RAD54L2: variants seen among roughly 807,000 people sequenced by gnomAD.
RAD54L2 encodes RAD54 like 2, also known as helicase ARIP4.
In RAD54L2, 27 loss-of-function variants were observed where a neutral mutation model predicts 138.4. The observed-to-expected ratio is 0.20, with a 90% CI of 0.14 to 0.27. The LOEUF is 0.27. Among genes scored for constraint, RAD54L2 ranks in the 10% least tolerant of loss-of-function variants. The pLI is 1.00. For missense variants in RAD54L2, 1,396 were observed against 1,890.2 expected (o/e 0.74, Z 4.85); for synonymous variants, 644 against 723.2 (o/e 0.89, Z 1.76).
At chr3:51,540,806 C>T (rs1698530408) in intron 1 of RAD54L2, among the ~76,000 whole-genome samples, 1 of 152,156 alleles carries the variant, frequency 6.6e-6, no homozygotes, top group African/African-American at 2.4e-5. Context: ...AATCCCAACA[C>T]TTTGGGAGGT....
At chr3:51,619,995 G>A (rs1267254407) in intron 3 of RAD54L2, among the ~76,000 whole-genome samples, 1 of 152,098 alleles carries the variant, frequency 6.6e-6, no homozygotes, top group Non-Finnish European at 1.5e-5. Context: ...TTCAGGCTCC[G>A]GTGCAGAGTT....
At chr3:51,605,459 T>G (rs1321605615) in intron 3 of RAD54L2, among the ~76,000 whole-genome samples, 1 of 148,098 alleles carries the variant, frequency 6.8e-6, no homozygotes, top group South Asian at 2.2e-4. Flanking sequence ...GGGTTTTTTT[T>G]TTTTTTTTTT....
At chr3:51,613,185 C>A (rs1700370337) in intron 3 of RAD54L2, among the ~76,000 whole-genome samples, 1 of 152,114 alleles carries the variant, frequency 6.6e-6, no homozygotes, top group Non-Finnish European at 1.5e-5. Flanking sequence ...GATCCACCCG[C>A]CTCGGCCTCC....
chr3:51,637,456 G>A lies in RAD54L2; in HGVS notation c.1635G>A (p.Arg545=). 4.3e-6 allele frequency: 7 copies of A among 1,613,818 alleles called. No individual in the cohort carries two copies. Among genetic ancestry groups the A allele is most frequent in the African/African-American group, 1.3e-5 (1 of 75,062 alleles). Residue 545 remains arginine (R), a synonymous_variant, in exon 11 of 23, where the codon CGG becomes CGA. Transcript: ENST00000684192. The surrounding 1 kb of genome is among the most constrained non-coding windows in gnomAD (Gnocchi z 5.9). ...CACCTCAGGACGTCCGCCTCATGCG[G>A]TACCGGAGCCATGTCCTGCACAGTC... ...DSTPQDVRLM[R]YRSHVLHSLL... is the part of the protein sequence containing the mutation.
intron 2 of RAD54L2, among the ~76,000 whole-genome samples, chr3:51,565,552 T>C (rs1313339550): frequency 6.6e-6 from 1 of 152,162 alleles, no homozygotes; most frequent in Non-Finnish European, 1.5e-5. Flanking sequence ...CTCAGCTTAT[T>C]GCAGCCTCTG....
intron 2 of RAD54L2, among the ~76,000 whole-genome samples, chr3:51,559,826 G>C (rs55793914): frequency 0.089 from 13,496 of 152,252 alleles, 737 homozygotes; most frequent in African/African-American, 0.12. Context: ...GTCTGTATGA[G>C]AGCCAACGTA....
intron 3 of RAD54L2, among the ~76,000 whole-genome samples, chr3:51,606,992 TTTA>T (rs908513446): frequency 2.7e-5 from 4 of 149,626 alleles, no homozygotes; most frequent in Admixed American, 6.7e-5. Context: ...TATTGTTTTA[TTTA>T]TTATTATTAT....
At chr3:51,562,203 T>C (rs551568684) in intron 2 of RAD54L2, among the ~76,000 whole-genome samples, 46 of 151,432 alleles carry the variant, frequency 3.0e-4, no homozygotes, top group African/African-American at 1.0e-3. Flanking sequence ...ACCCAGCTAA[T>C]TTTTGTATTT....
chr3:51,663,430 C>T lies in RAD54L2; in HGVS notation c.*10C>T, dbSNP rs1297805435. ...GGTCACTGGGAAATAGCTAGGGAGC[C>T]CCTCCCCACCTCACTTGGGGCCCCC... On this transcript the variant is annotated 3_prime_UTR_variant, in exon 23 of 23. Coordinates refer to ENST00000684192, the MANE Select transcript of RAD54L2 (RefSeq NM_015106.4). 6.2e-7 allele frequency: 1 copy of T among 1,603,376 alleles called. No homozygotes were observed. The highest frequency in any genetic ancestry group is 8.5e-7 in the Non-Finnish European group (1 of 1,172,572).
chr3:51,604,537 C>A (rs572983540), intron 3 of RAD54L2, among the ~76,000 whole-genome samples: 2 of 152,280 alleles, frequency 1.3e-5, no homozygotes, highest in South Asian at 4.1e-4. Flanking sequence ...AATCAACCAC[C>A]TGGAATCAAA....
chr3:51,580,256 C>T (rs560108815), intron 2 of RAD54L2, among the ~76,000 whole-genome samples: 2 of 152,316 alleles, frequency 1.3e-5, no homozygotes, highest in Admixed American at 6.5e-5. Context: ...ACCTGTTTCT[C>T]ATAAAGGATA....
In RAD54L2 at chr3:51,662,280, A is replaced by G; in HGVS notation, c.3410-146A>G. On this transcript the variant is annotated intron_variant, in intron 22 of 22. Transcript: ENST00000684192. This position sits in a 1 kb window ranked among gnomAD's most constrained non-coding sequence, Gnocchi z 4.6. Reference sequence around the variant, plus strand: ...CAAAGAATTTCTTTGTGACTGGAAAAGGTTGACTGGGTGATGTTGTTCAGA... The same window carrying G: ...CAAAGAATTTCTTTGTGACTGGAAAGGGTTGACTGGGTGATGTTGTTCAGA... 1.5e-6 allele frequency: 1 copy of G among 656,730 alleles called. No homozygotes were observed. Among genetic ancestry groups the G allele is most frequent in the Admixed American group, 3.9e-5 (1 of 25,496 alleles). 40.7% of individuals were successfully genotyped at this position (656,730 alleles called of 1,614,324 possible).
At position 51,638,180 on chromosome 3, in the gene RAD54L2, C is replaced by T; in HGVS notation, c.1719C>T (p.Ala573=). ...CTGTGCTGAAGATTCATCTCCCTGC[C>T]AAGGAAGAAAATGTGATCCTTGTGC... ...GHTVLKIHLP[A]KEENVILVRL... The change falls in exon 12 of 23, where the codon GCC becomes GCT. Residue 573 remains alanine (A), a synonymous_variant. Transcript: ENST00000684192. This position sits in a 1 kb window ranked among gnomAD's most constrained non-coding sequence, Gnocchi z 4.3. The T allele has an allele frequency of 6.2e-7, 1 of 1,613,928 alleles. No homozygotes were observed. Among genetic ancestry groups the T allele is most frequent in the Admixed American group, 1.7e-5 (1 of 60,010 alleles).
intron 3 of RAD54L2, among the ~76,000 whole-genome samples, chr3:51,616,320 G>T (rs1295214493): frequency 3.9e-5 from 6 of 152,084 alleles, no homozygotes; most frequent in Admixed American, 6.5e-5. Flanking sequence ...TTCTTGAGAA[G>T]AAAATTTATA....
Position 51,666,861 on chromosome 3 carries a change from A to G in RAD54L2, c.*3441A>G, listed in dbSNP as rs1162076961. 2 of 152,088 alleles carry G rather than the reference A, an allele frequency of 1.3e-5. No homozygotes were observed. The highest frequency in any genetic ancestry group is 4.8e-5 in the African/African-American group (2 of 41,354). 9.4% of individuals were successfully genotyped at this position (152,088 alleles called of 1,614,324 possible). On this transcript the variant is annotated 3_prime_UTR_variant, in exon 23 of 23. Transcript: ENST00000684192. Reference sequence around the variant, plus strand: ...TGTGATCCTTGGAGCTCTCTTCCCTAGGAATTAGTGTGTGGAGTCTCTATA... The same window carrying G: ...TGTGATCCTTGGAGCTCTCTTCCCTGGGAATTAGTGTGTGGAGTCTCTATA...
intron 3 of RAD54L2, among the ~76,000 whole-genome samples, chr3:51,594,066 C>CTTTTTTTTTTTTTTTTTTTTTT (rs904101025): frequency 9.5e-6 from 1 of 105,138 alleles, no homozygotes; most frequent in Non-Finnish European, 2.0e-5. Context: ...TTTTCTTTTT[C>CTTTTTTTTTTTTTTTTTTTTTT]TTTTTTTTTT....
At chr3:51,594,509 C>T (rs1000782474) in intron 3 of RAD54L2, among the ~76,000 whole-genome samples, 7 of 152,164 alleles carry the variant, frequency 4.6e-5, no homozygotes, top group African/African-American at 7.2e-5. Context: ...GACTTTTGGT[C>T]TTCAAGGCAT....
At chr3:51,614,498 G>T (rs1237177680) in intron 3 of RAD54L2, among the ~76,000 whole-genome samples, 1 of 151,656 alleles carries the variant, frequency 6.6e-6, no homozygotes, top group East Asian at 1.9e-4. Flanking sequence ...GAATGATCTT[G>T]GTCCCCTTGC....
chr3:51,556,880 A>G (rs915157656), intron 2 of RAD54L2, among the ~76,000 whole-genome samples: 18 of 151,654 alleles, frequency 1.2e-4, no homozygotes, highest in African/African-American at 3.4e-4. Context: ...CCGGCCCTAT[A>G]TATCTCTTAA....
Sources: allele counts gnomAD v4.1 joint callset (sites outside exome capture counted in the v4.1 genomes callset), GRCh38; gene constraint gnomAD v4.1.1; non-coding constraint Gnocchi (gnomAD v3.1); transcripts MANE v1.5; gene names NCBI Gene and HGNC (gene_info 2026-07-23, HGNC 2026-07-21).